Variants in PIK3C2G observed in about 807,000 individuals in gnomAD.
PIK3C2G encodes phosphatidylinositol-4-phosphate 3-kinase catalytic subunit type 2 gamma, also known as phosphatidylinositol 3-kinase C2 domain-containing subunit gamma.
In PIK3C2G, 168 loss-of-function variants were observed where a neutral mutation model predicts 181.1. The observed-to-expected ratio is 0.93, with a 90% confidence interval of 0.82 to 1.05. The LOEUF is 1.05. PIK3C2G is among the 50% of genes least tolerant of loss of function. PIK3C2G has a pLI of 0.00. For synonymous variants in PIK3C2G, 573 were observed against 592.2 expected (o/e 0.97, Z 0.47); for missense variants, 1,869 against 1,732.8 (o/e 1.08, Z -1.40).
chr12:18,517,924 G>A (rs1295928015), intron 24 of PIK3C2G, among the ~76,000 whole-genome samples: 1 of 152,166 alleles, frequency 6.6e-6, no homozygotes, highest in African/African-American at 2.4e-5. Flanking sequence ...CAAGTTTACT[G>A]AGAGTTTTTA....
chr12:18,600,589 G>A (rs945708163), intron 30 of PIK3C2G, among the ~76,000 whole-genome samples: 2 of 151,976 alleles, frequency 1.3e-5, no homozygotes, highest in Admixed American at 1.3e-4. Flanking sequence ...GGGGAGTAAT[G>A]CAAGTACGCA....
At chr12:18,480,714 T>C (rs1939473534) in intron 18 of PIK3C2G, among the ~76,000 whole-genome samples, 1 of 152,120 alleles carries the variant, frequency 6.6e-6, no homozygotes, top group Non-Finnish European at 1.5e-5. Context: ...CCATACCATT[T>C]CTAAAAATTT....
chr12:18,249,333 A>T (rs1050278255), intron 1 of PIK3C2G, among the ~76,000 whole-genome samples: 1 of 152,228 alleles, frequency 6.6e-6, no homozygotes, highest in Non-Finnish European at 1.5e-5. Flanking sequence ...AATTGAAGAT[A>T]GTTTGATACT....
intron 31 of PIK3C2G, among the ~76,000 whole-genome samples, chr12:18,629,834 A>G (rs1170946042): frequency 6.6e-6 from 1 of 152,200 alleles, no homozygotes; most frequent in African/African-American, 2.4e-5. Context: ...ACTTTACCCT[A>G]TGATAGACAT....
At chr12:18,268,035 T>C (rs78426246) in intron 1 of PIK3C2G, among the ~76,000 whole-genome samples, 2,702 of 152,274 alleles carry the variant, frequency 0.018, 77 homozygotes, top group African/African-American at 0.062. Flanking sequence ...GTGGAGGGAA[T>C]TGATCCGACC....
At chr12:18,582,170 C>T (rs1363948867) in intron 29 of PIK3C2G, among the ~76,000 whole-genome samples, 1 of 152,032 alleles carries the variant, frequency 6.6e-6, no homozygotes, top group African/African-American at 2.4e-5. Context: ...ATAGAAGGGG[C>T]AAGGAAATAC....
intron 24 of PIK3C2G, among the ~76,000 whole-genome samples, chr12:18,515,741 C>T (rs1414056622): frequency 2.0e-5 from 3 of 151,642 alleles, no homozygotes; most frequent in Non-Finnish European, 2.9e-5. Context: ...TGTTTCTTTC[C>T]TTCCACTAAT....
At chr12:18,513,883 T>C (rs186389902) in intron 24 of PIK3C2G, among the ~76,000 whole-genome samples, 113 of 151,922 alleles carry the variant, frequency 7.4e-4, no homozygotes, top group African/African-American at 2.6e-3. Context: ...TTCCTTTCAT[T>C]TGCCAGCTTT....
At chr12:18,622,337 C>T (rs1426086085) in intron 31 of PIK3C2G, among the ~76,000 whole-genome samples, 2 of 151,830 alleles carry the variant, frequency 1.3e-5, no homozygotes, top group African/African-American at 2.4e-5. Context: ...GCTTATTTTA[C>T]TTAGCGTAAT....
intron 28 of PIK3C2G, among the ~76,000 whole-genome samples, chr12:18,564,815 T>C (rs1945535444): frequency 6.6e-6 from 1 of 152,314 alleles, no homozygotes; most frequent in Admixed American, 6.5e-5. Context: ...ACCCTACTAA[T>C]TAATAATTGA....
At position 18,485,183 on chromosome 12, in the gene PIK3C2G, A is replaced by G. The variant is rs541717680; in HGVS notation, c.2505-3266A>G. Among the ~76,000 whole-genome samples the G allele has an allele frequency of 9.2e-5, 14 of 152,320 alleles. No individual in the cohort carries two copies. The South Asian group carries it at 1.9e-3, about 20-fold the overall frequency. On this transcript the variant is annotated intron_variant, in intron 18 of 32. Transcript: ENST00000538779. The stretch of plus-strand genomic sequence containing the variant: ...TGGATTGAATGAGTTTATGAGGCAA[A>G]GAGGGCTGGGATGATGTGATTACTC...
At chr12:18,683,460 T>C in the PIK3C2G span, 2 of 1,425,658 alleles carry the variant, frequency 1.4e-6, no homozygotes, top group East Asian at 2.5e-5. Context: ...TCCCATCTGG[T>C]ATATTAATCT....
chr12:18,604,642 G>A (rs1054338077), intron 30 of PIK3C2G, among the ~76,000 whole-genome samples: 1 of 152,122 alleles, frequency 6.6e-6, no homozygotes, highest in African/African-American at 2.4e-5. Flanking sequence ...CCATATGACA[G>A]GCCATAAAAT....
chr12:18,583,081 C>G (rs866939017), intron 29 of PIK3C2G, among the ~76,000 whole-genome samples: 14 of 152,274 alleles, frequency 9.2e-5, no homozygotes, highest in African/African-American at 3.4e-4. Flanking sequence ...AGCAGCCAGA[C>G]TGCTTTTTCA....
In PIK3C2G at chr12:18,292,219, A is replaced by ATAAAAT. The variant is rs1242181923; in HGVS notation, c.919+1207_919+1208insTAAAAT. On this transcript the variant is annotated intron_variant, in intron 4 of 32. Coordinates refer to ENST00000538779, the MANE Select transcript of PIK3C2G (RefSeq NM_001288772.2). The stretch of plus-strand genomic sequence containing the variant: ...GAGCAAAACTCCATCTCAAAAAAAA[A>ATAAAAT]AAAAAAAAATATATATATATATATA... Among the ~76,000 whole-genome samples the ATAAAAT allele has an allele frequency of 1.6e-4, 14 of 86,034 alleles. 1 individual carries two copies. The highest frequency in any genetic ancestry group is 7.9e-4 in the African/African-American group (14 of 17,614). The allele number at this position is 86,034 out of a possible 152,430, so 56.4% of individuals were successfully genotyped here.
chr12:18,281,697 G>A (rs929503212), intron 1 of PIK3C2G, among the ~76,000 whole-genome samples: 8 of 151,954 alleles, frequency 5.3e-5, no homozygotes, highest in African/African-American at 1.9e-4. Flanking sequence ...GTAGTCAAAT[G>A]ATAAGTGGAT....
intron 16 of PIK3C2G, among the ~76,000 whole-genome samples, 192 bp from the exon 17 acceptor site, chr12:18,420,749 C>T (rs777935355): frequency 1.4e-4 from 22 of 152,188 alleles, no homozygotes; most frequent in East Asian, 1.9e-4. Flanking sequence ...GGATTTTCTA[C>T]TGTAGTCCAC....
At chr12:18,454,854 T>A (rs766065312) in intron 18 of PIK3C2G, among the ~76,000 whole-genome samples, 1 of 152,186 alleles carries the variant, frequency 6.6e-6, no homozygotes, top group Admixed American at 6.5e-5. Context: ...CATCATCTAG[T>A]GCTGCATAAC....
At chr12:18,510,294 G>A (rs948521888) in intron 24 of PIK3C2G, among the ~76,000 whole-genome samples, 1 of 152,174 alleles carries the variant, frequency 6.6e-6, no homozygotes, top group East Asian at 1.9e-4. Context: ...TTCTTTCACC[G>A]ATACAAATTA....
Sources: gnomAD v4.1 joint callset for allele counts (sites outside exome capture counted in the v4.1 genomes callset) on GRCh38, gnomAD v4.1.1 for gene constraint, MANE v1.5 for transcripts, NCBI Gene and HGNC (gene_info 2026-07-23, HGNC 2026-07-21) for gene names.